The following LRP1B variants were observed in gnomAD, a reference collection of about 807,000 sequenced individuals.
LRP1B encodes LDL receptor related protein 1B, also known as low-density lipoprotein receptor-related protein 1B.
A neutral mutation model predicts 556.6 loss-of-function variants in LRP1B; 217 were observed. That is an observed-to-expected ratio of 0.39 (90% CI 0.35 to 0.44). The LOEUF (loss-of-function observed/expected upper bound fraction) is 0.44. Among genes scored for constraint, LRP1B ranks in the 20% least tolerant of loss-of-function variants. The probability of loss-of-function intolerance (pLI) is 1.00; values close to 1 mark genes in which losing one functional copy is unlikely to be tolerated. For missense variants in LRP1B, 5,053 were observed against 5,620.8 expected (o/e 0.90, Z 3.23); for synonymous variants, 2,047 against 1,865.8 (o/e 1.10, Z -2.50).
intron 2 of LRP1B, among the ~76,000 whole-genome samples, chr2:141,579,966 C>T (rs188931657): frequency 6.6e-6 from 1 of 152,172 alleles, no homozygotes; most frequent in Non-Finnish European, 1.5e-5. Context: ...TCCCAAAGTT[C>T]TGGGATTACA....
intron 1 of LRP1B, among the ~76,000 whole-genome samples, chr2:142,029,302 T>TA (rs1574611298): frequency 6.6e-6 from 1 of 151,828 alleles, no homozygotes; most frequent in Non-Finnish European, 1.5e-5. Flanking sequence ...AAGAATAATT[T>TA]AAAAAATAAT....
At chr2:141,390,938 A>G (rs1392742376) in intron 3 of LRP1B, among the ~76,000 whole-genome samples, 1 of 152,160 alleles carries the variant, frequency 6.6e-6, no homozygotes, top group Non-Finnish European at 1.5e-5. Flanking sequence ...AAAAAGAAAT[A>G]TGACATCACA....
chr2:141,533,741 T>C (rs942550507), intron 2 of LRP1B, among the ~76,000 whole-genome samples: 1 of 152,148 alleles, frequency 6.6e-6, no homozygotes, highest in Admixed American at 6.6e-5. Flanking sequence ...CTGTTTCTTT[T>C]TGTTACAATG....
At chr2:141,199,191 G>A (rs929045822) in intron 6 of LRP1B, among the ~76,000 whole-genome samples, 5 of 152,162 alleles carry the variant, frequency 3.3e-5, no homozygotes, top group East Asian at 3.9e-4. Flanking sequence ...TTACTGTCCC[G>A]CACAAATGCT....
chr2:140,286,000 T>G (rs1171674339), intron 84 of LRP1B, among the ~76,000 whole-genome samples: 1 of 151,884 alleles, frequency 6.6e-6, no homozygotes, highest in Non-Finnish European at 1.5e-5. Flanking sequence ...TTTCATAATC[T>G]CTAGTCTCAC....
intron 6 of LRP1B, among the ~76,000 whole-genome samples, chr2:141,222,060 C>A (rs1183029359): frequency 6.6e-6 from 1 of 151,930 alleles, no homozygotes; most frequent in Non-Finnish European, 1.5e-5. Context: ...TAGCAAAAGA[C>A]AAGAAATAAC....
rs774633117 is a variant in LRP1B, at chr2:140,371,277, TAGG to T, written c.10774_10776del (p.Pro3592del). On this transcript the variant is annotated inframe_deletion, in exon 70 of 91. Transcript: ENST00000389484. ...CATATATATTCACGTGATGAGCAAG[TAGG>T]AGAAGCTGAATACAATTATAAATTT... is the stretch of plus-strand genomic sequence containing the variant. The T allele has an allele frequency of 1.4e-5, 22 of 1,552,144 alleles. No homozygotes were observed. In the African/African-American group the frequency reaches 2.9e-4, roughly 20 times the overall value.
In LRP1B at chr2:141,976,031, AT is replaced by A. The variant is rs746356507; in HGVS notation, c.82+154616del. The stretch of plus-strand genomic sequence containing the variant: ...ACTAATATAATGGACTATAAAAGTT[AT>A]AGCATATTTTATAAATTCTTAATTC... On this transcript the variant is annotated intron_variant, in intron 1 of 90. Transcript: ENST00000389484. 5.2e-4 allele frequency among the ~76,000 whole-genome samples: 78 copies of A among 149,852 alleles called. 1 individual carries two copies. Among genetic ancestry groups the A allele is most frequent in the Admixed American group, 2.0e-3 (30 of 15,168 alleles).
chr2:140,369,559 T>C (rs1342805287), intron 71 of LRP1B, among the ~76,000 whole-genome samples: 1 of 151,854 alleles, frequency 6.6e-6, no homozygotes, highest in Non-Finnish European at 1.5e-5. Context: ...TTATAGACAT[T>C]TAACATTTCA....
chr2:140,304,343 T>C (rs185679726), intron 83 of LRP1B, among the ~76,000 whole-genome samples: 17 of 152,282 alleles, frequency 1.1e-4, no homozygotes, highest in East Asian at 7.7e-4. Flanking sequence ...TTTTTAATGA[T>C]CACCATTCTA....
At chr2:142,013,423 A>G (rs1222778270) in intron 1 of LRP1B, among the ~76,000 whole-genome samples, 1 of 152,162 alleles carries the variant, frequency 6.6e-6, no homozygotes, top group African/African-American at 2.4e-5. Context: ...AAAATAATAA[A>G]GTTTTGTAAC....
In LRP1B at chr2:140,813,750, T is replaced by C. The variant is rs868685937; in HGVS notation, c.5266A>G (p.Thr1756Ala). 6.2e-7 allele frequency: 1 copy of C among 1,609,560 alleles called. No individual in the cohort carries two copies. Among genetic ancestry groups the C allele is most frequent in the Non-Finnish European group, 8.5e-7 (1 of 1,176,016 alleles). ...CCATCCAGGTTGCATCTATTTATGG[T>C]TCCATTCCCTGAACTGATCCAATAA... ...KLYWISSGNGTINRCNLDGGN... is the reference protein window; with the variant it reads ...KLYWISSGNGAINRCNLDGGN... Residue 1756 changes from threonine to alanine, a missense_variant, in exon 32 of 91, where the codon ACC becomes GCC. This residue lies in a region of LRP1B where 3,619 missense variants were observed against 3,931.9 expected (regional missense o/e 0.92). Coordinates refer to ENST00000389484, the MANE Select transcript of LRP1B (RefSeq NM_018557.3).
At chr2:141,688,628 G>A (rs545633815) in intron 2 of LRP1B, among the ~76,000 whole-genome samples, 19 of 151,844 alleles carry the variant, frequency 1.3e-4, no homozygotes, top group African/African-American at 4.1e-4. Context: ...TATGATTTAC[G>A]GAAAGTCAAA....
At chr2:141,082,878 T>C (rs987959083) in intron 7 of LRP1B, among the ~76,000 whole-genome samples, 5 of 152,238 alleles carry the variant, frequency 3.3e-5, no homozygotes, top group Admixed American at 2.6e-4. Flanking sequence ...CTTCACCCTG[T>C]AATGAGCATG....
intron 1 of LRP1B, among the ~76,000 whole-genome samples, chr2:141,987,917 G>A (rs1702243429): frequency 6.6e-6 from 1 of 151,650 alleles, no homozygotes; most frequent in Admixed American, 6.6e-5. Flanking sequence ...TGATTTCATA[G>A]TCAAATAGTC....
intron 8 of LRP1B, among the ~76,000 whole-genome samples, chr2:141,060,869 AGTG>A (rs1313989676): frequency 6.6e-6 from 1 of 151,754 alleles, no homozygotes; most frequent in African/African-American, 2.4e-5. Context: ...TGGATTATTT[AGTG>A]GCAGACTTAG....
In LRP1B at chr2:140,234,870, C is replaced by G. The variant is rs368243640; in HGVS notation, c.13575G>C (p.Gly4525=). ...GAAGCTTGAAAGCACTGGGTCCTCC[C>G]CCTATGTACCTGGCCTGTATATAAA... is the stretch of plus-strand genomic sequence containing the variant. ...MIDPTKARYI[G]GGPSAFKLPH... Residue 4525 remains glycine, a synonymous_variant, in exon 90 of 91, where the codon GGG becomes GGC. Transcript: ENST00000389484. 6.5e-6 allele frequency: 5 copies of G among 774,958 alleles called. No individual in the cohort carries two copies. In the African/African-American group the frequency reaches 8.5e-5, roughly 13 times the overall value. 48.0% of individuals were successfully genotyped at this position (774,958 alleles called of 1,614,324 possible).
intron 60 of LRP1B, among the ~76,000 whole-genome samples, chr2:140,464,999 A>T (rs115368415): frequency 0.043 from 6,474 of 152,316 alleles, 234 homozygotes; most frequent in Non-Finnish European, 0.055. Flanking sequence ...CATTTCTACA[A>T]ATAAATACCT....
intron 72 of LRP1B, among the ~76,000 whole-genome samples, chr2:140,361,113 C>T (rs1361398869): frequency 6.6e-6 from 1 of 150,756 alleles, no homozygotes; most frequent in Admixed American, 6.7e-5. Context: ...GGATACTGCT[C>T]TAAGTACTAG....
Sources: gnomAD v4.1 joint callset for allele counts (sites outside exome capture counted in the v4.1 genomes callset) on GRCh38, gnomAD v4.1.1 for gene constraint, gnomAD v4.1.1 regional missense constraint, MANE v1.5 for transcripts, NCBI Gene and HGNC (gene_info 2026-07-23, HGNC 2026-07-21) for gene names.